STK32B: variants seen among roughly 807,000 people sequenced by gnomAD.
STK32B encodes serine/threonine-protein kinase 32B.
In STK32B, 43 loss-of-function variants were observed where a neutral mutation model predicts 52.6. That is an observed-to-expected ratio of 0.82 (90% CI 0.64 to 1.05). The LOEUF is 1.05. Among genes scored for constraint, STK32B ranks in the 50% least tolerant of loss-of-function variants. The pLI, the probability that STK32B is intolerant of heterozygous loss-of-function variation, is 0.00. For synonymous variants in STK32B, 238 were observed against 204.3 expected, an observed-to-expected ratio of 1.17 and a Z score of -1.41; for missense variants, 621 against 534.6, an observed-to-expected ratio of 1.16 and a Z score of -1.59.
chr4:5,455,774 A>G (rs1716451301), intron 7 of STK32B, among the ~76,000 whole-genome samples: 1 of 152,146 alleles, frequency 6.6e-6, no homozygotes, highest in African/African-American at 2.4e-5. Context: ...CACAGAAATG[A>G]GCGTGGTCAA....
chr4:5,237,717 AAC>A (rs1724725440), intron 3 of STK32B, among the ~76,000 whole-genome samples: 1 of 152,116 alleles, frequency 6.6e-6, no homozygotes, highest in Non-Finnish European at 1.5e-5. Context: ...TTTCATCAAG[AAC>A]ACACCATGAC....
intron 1 of STK32B, among the ~76,000 whole-genome samples, chr4:5,102,436 G>GCTTGCTTCCTTC (rs1389726585): frequency 6.7e-5 from 7 of 105,252 alleles, no homozygotes; most frequent in Non-Finnish European, 9.6e-5. Flanking sequence ...CTCCTTCCTT[G>GCTTGCTTCCTTC]CTTCCTTCCT....
At chr4:5,276,100 C>T (rs1277378553) in intron 3 of STK32B, among the ~76,000 whole-genome samples, 1 of 151,964 alleles carries the variant, frequency 6.6e-6, no homozygotes, top group African/African-American at 2.4e-5. Context: ...ACCAGCCTGG[C>T]CAACTTGGAA....
At position 5,500,674 on chromosome 4, in the gene STK32B, GAAAT is replaced by G. The variant is rs925711038; in HGVS notation, c.*1593_*1596del. Reference sequence around the variant, plus strand: ...TTTTATATTTTTATTTTTTAAAAAAGAAATAGTCAGTGTTTTCCTCCTTTCAACC... The same window carrying G: ...TTTTATATTTTTATTTTTTAAAAAAGAGTCAGTGTTTTCCTCCTTTCAACC... On this transcript the variant is annotated 3_prime_UTR_variant, in exon 12 of 12. Transcript: ENST00000282908. The G allele has an allele frequency of 6.6e-6, 1 of 152,054 alleles. No homozygotes were observed. Among genetic ancestry groups the G allele is most frequent in the African/African-American group, 2.4e-5 (1 of 41,354 alleles). 9.4% of individuals were successfully genotyped at this position (152,054 alleles called of 1,614,324 possible). A position where few individuals can be genotyped will look rare whatever the true frequency, so the allele number is the denominator to read the frequency against.
chr4:5,047,609 A>T (rs1424018107), upstream of STK32B, among the ~76,000 whole-genome samples: 1 of 152,208 alleles, frequency 6.6e-6, no homozygotes. Flanking sequence ...TTTGTAAAGT[A>T]TCAACTCTGT....
chr4:5,155,764 G>A (rs115924353), intron 2 of STK32B, among the ~76,000 whole-genome samples: 2,274 of 152,074 alleles, frequency 0.015, 30 homozygotes, highest in Middle Eastern at 0.044. Flanking sequence ...TTCATCTTTC[G>A]CCATGATTGT....
chr4:5,497,292 C>CAA (rs1553803922), intron 11 of STK32B, among the ~76,000 whole-genome samples: 1 of 152,186 alleles, frequency 6.6e-6, no homozygotes, highest in Non-Finnish European at 1.5e-5. Context: ...CAATTAAACA[C>CAA]AAGTGCTGAA....
At chr4:5,038,897 A>G in the STK32B span, among the ~76,000 whole-genome samples, 2 of 152,006 alleles carry the variant, frequency 1.3e-5, no homozygotes, top group Non-Finnish European at 2.9e-5. Context: ...TACTTTATGA[A>G]CTTTTTAATA....
chr4:5,155,278 T>C (rs180762767), intron 2 of STK32B, among the ~76,000 whole-genome samples: 2 of 152,328 alleles, frequency 1.3e-5, no homozygotes, highest in Non-Finnish European at 1.5e-5. Flanking sequence ...CCCTTTTCTT[T>C]ATAGCACCTA....
intron 3 of STK32B, among the ~76,000 whole-genome samples, chr4:5,330,619 G>T (rs1390218756): frequency 2.0e-5 from 3 of 152,172 alleles, no homozygotes; most frequent in South Asian, 2.1e-4. Flanking sequence ...CAGTGGTGCT[G>T]GCTGTCACTG....
intron 2 of STK32B, among the ~76,000 whole-genome samples, chr4:5,147,932 C>G (rs920132828): frequency 6.6e-6 from 1 of 151,838 alleles, no homozygotes; most frequent in African/African-American, 2.4e-5. Context: ...TGAGTTCAGT[C>G]ATTTTCCTTC....
intron 3 of STK32B, among the ~76,000 whole-genome samples, chr4:5,260,099 G>C (rs778043469): frequency 6.6e-6 from 1 of 151,736 alleles, no homozygotes; most frequent in African/African-American, 2.4e-5. Flanking sequence ...ACACGCACAC[G>C]TGCACGCACA....
At chr4:5,463,243 C>T (rs1717172261) in intron 9 of STK32B, among the ~76,000 whole-genome samples, 2 of 152,256 alleles carry the variant, frequency 1.3e-5, no homozygotes, top group African/African-American at 4.8e-5. Flanking sequence ...AATCTCGATG[C>T]AGTCCTGCAC....
intron 3 of STK32B, among the ~76,000 whole-genome samples, chr4:5,283,919 C>T (rs968994930): frequency 2.0e-5 from 3 of 152,092 alleles, no homozygotes; most frequent in Non-Finnish European, 4.4e-5. Context: ...AAAACAAAAA[C>T]TCAGTGGTAT....
intron 5 of STK32B, among the ~76,000 whole-genome samples, chr4:5,409,616 T>G (rs1447159055): frequency 1.3e-5 from 2 of 152,120 alleles, no homozygotes; most frequent in Non-Finnish European, 2.9e-5. Flanking sequence ...CAGCTCAAAC[T>G]GGGGGCACAT....
rs529226337 is a variant in STK32B at position 5,498,112 on chromosome 4, A to G, written c.1107-833A>G. Among the ~76,000 whole-genome samples, 487 of 152,362 alleles carry G rather than the reference A, an allele frequency of 3.2e-3. 4 individuals are homozygous for G. Among genetic ancestry groups the G allele is most frequent in the African/African-American group, 0.011 (444 of 41,588 alleles). The stretch of plus-strand genomic sequence containing the variant: ...GTGACTTGACTAACATAACTCAAGT[A>G]GACAGTGTTGAGAGCCAGGATGTGA... On this transcript the variant is annotated intron_variant, in intron 11 of 11. Transcript: ENST00000282908.
Position 5,324,388 on chromosome 4 carries a change from C to T in STK32B, c.261-6832C>T, listed in dbSNP as rs74824045. On this transcript the variant is annotated intron_variant, in intron 3 of 11. Coordinates refer to ENST00000282908, the MANE Select transcript of STK32B (RefSeq NM_018401.3). Reference sequence around the variant, plus strand: ...AAATAAGAAAATAAGGCACTTAGAACGGTGTCTGGCACAGAATTTGCACCA... The same window carrying T: ...AAATAAGAAAATAAGGCACTTAGAATGGTGTCTGGCACAGAATTTGCACCA... Among the ~76,000 whole-genome samples, 925 of 152,098 alleles carry T rather than the reference C, an allele frequency of 6.1e-3. 19 individuals are homozygous for T. The highest frequency in any genetic ancestry group is 0.014 in the African/African-American group (597 of 41,504).
At chr4:5,449,105 G>T (rs1029435602) in intron 7 of STK32B, among the ~76,000 whole-genome samples, 1 of 152,194 alleles carries the variant, frequency 6.6e-6, no homozygotes. Context: ...TCTTTGGGAG[G>T]CCGAGGAGGG....
chr4:5,278,398 G>A (rs972645662), intron 3 of STK32B, among the ~76,000 whole-genome samples: 1 of 152,126 alleles, frequency 6.6e-6, no homozygotes, highest in East Asian at 1.9e-4. Context: ...GCATATGTGG[G>A]CGTAGGAGAT....
Sources: gnomAD v4.1 joint callset for allele counts (sites outside exome capture counted in the v4.1 genomes callset) on GRCh38, gnomAD v4.1.1 for gene constraint, MANE v1.5 for transcripts, NCBI Gene and HGNC (gene_info 2026-07-23, HGNC 2026-07-21) for gene names.